Variants in RAB7A observed in about 807,000 individuals in gnomAD.
The protein encoded by RAB7A is RAB7A, member RAS oncogene family, also known as ras-related protein Rab-7a.
A neutral mutation model predicts 24.5 loss-of-function variants in RAB7A; 2 were observed. The ratio of observed to expected loss-of-function variants is 0.08; its 90% CI spans 0.03 to 0.26. The LOEUF (loss-of-function observed/expected upper bound fraction) is 0.26. RAB7A is among the 10% of genes least tolerant of loss of function. RAB7A has a pLI of 1.00. For synonymous variants in RAB7A, 100 were observed against 95.9 expected, an observed-to-expected ratio of 1.04 and a Z score of -0.25; for missense variants, 118 against 255.7, an observed-to-expected ratio of 0.46 and a Z score of 3.67.
chr3:128,803,827 A>G (rs777351454), intron 3 of RAB7A, among the ~76,000 whole-genome samples: 2 of 152,228 alleles, frequency 1.3e-5, no homozygotes, highest in Non-Finnish European at 2.9e-5. Flanking sequence ...AAATGCAATG[A>G]GGGAAGGGTT....
At chr3:128,797,845 T>TTCAGG in intron 2 of RAB7A, 98 bp from the exon 3 acceptor site, 3 of 1,446,350 alleles carry the variant, frequency 2.1e-6, no homozygotes, top group Non-Finnish European at 2.9e-6. Context: ...TTTCTTGTCC[T>TTCAGG]TCAGGTCAGG....
intron 1 of RAB7A, among the ~76,000 whole-genome samples, chr3:128,730,200 A>G (rs2070420742): frequency 6.6e-6 from 1 of 150,398 alleles, no homozygotes; most frequent in Non-Finnish European, 1.5e-5. Flanking sequence ...TCCATATGGC[A>G]TTAAAGACAG....
At chr3:128,728,144 C>T (rs2070398963) in intron 1 of RAB7A, among the ~76,000 whole-genome samples, 1 of 152,120 alleles carries the variant, frequency 6.6e-6, no homozygotes, top group South Asian at 2.1e-4. Flanking sequence ...GGGAGATAGG[C>T]GTGGTTCCTG....
intron 1 of RAB7A, among the ~76,000 whole-genome samples, chr3:128,745,350 GT>G: frequency 6.6e-6 from 1 of 151,978 alleles, no homozygotes; most frequent in Middle Eastern, 3.4e-3. Context: ...AGAAACAGTA[GT>G]TTATTAAGAA....
chr3:128,779,211 T>G (rs1933160289), intron 1 of RAB7A, among the ~76,000 whole-genome samples: 1 of 152,022 alleles, frequency 6.6e-6, no homozygotes, highest in Admixed American at 6.6e-5. Context: ...GTCGGGAGTT[T>G]GAGACCAGCC....
intron 1 of RAB7A, chr3:128,749,584 C>T (rs1357227080): frequency 2.6e-5 from 4 of 152,148 alleles, no homozygotes; most frequent in African/African-American, 9.7e-5. Flanking sequence ...TCTTGAATTC[C>T]TATTTGTTGT....
At chr3:128,801,062 G>T (rs1050025672) in intron 3 of RAB7A, among the ~76,000 whole-genome samples, 1 of 152,182 alleles carries the variant, frequency 6.6e-6, no homozygotes, top group African/African-American at 2.4e-5. Context: ...CCACAAGAAA[G>T]AACCAGTGGA....
intron 5 of RAB7A, among the ~76,000 whole-genome samples, chr3:128,811,362 A>G (rs180774875): frequency 6.6e-6 from 1 of 152,332 alleles, no homozygotes; most frequent in East Asian, 1.9e-4. Context: ...AAATGTCACT[A>G]TTTGTAATAG....
In RAB7A at chr3:128,807,662, A is replaced by T; in HGVS notation, c.519A>T (p.Ala173=). ...EQAFQTIARN[A]LKQETEVELY... is the part of the protein sequence containing the mutation. Reference sequence around the variant, plus strand: ...CGTTCCAGACGATTGCACGGAATGCACTTAAGCAGGTGGGTCTCCCACAGC... The same window carrying T: ...CGTTCCAGACGATTGCACGGAATGCTCTTAAGCAGGTGGGTCTCCCACAGC... The change falls in exon 5 of 6, where the codon GCA becomes GCT. Residue 173 remains alanine (A), a synonymous_variant. Transcript: ENST00000265062. 1 of 1,614,198 alleles carries T rather than the reference A, an allele frequency of 6.2e-7. No individual in the cohort carries two copies.
intron 1 of RAB7A, among the ~76,000 whole-genome samples, chr3:128,778,455 C>T (rs1243355960): frequency 1.3e-5 from 2 of 152,128 alleles, no homozygotes; most frequent in African/African-American, 4.8e-5. Context: ...TAATTATCAC[C>T]TCTGTTAGGA....
intron 2 of RAB7A, among the ~76,000 whole-genome samples, chr3:128,796,634 A>T (rs907814894): frequency 1.3e-5 from 2 of 152,120 alleles, no homozygotes; most frequent in African/African-American, 4.8e-5. Context: ...TTCTGTCTTG[A>T]CTGGCTTATT....
chr3:128,809,746 G>A (rs530932378), intron 5 of RAB7A, among the ~76,000 whole-genome samples: 4 of 152,014 alleles, frequency 2.6e-5, no homozygotes, highest in Admixed American at 2.0e-4. Flanking sequence ...CCAGTTGTTT[G>A]AAATCATTCA....
intron 4 of RAB7A, 41 bp from the exon 5 acceptor site, chr3:128,807,502 C>T: frequency 6.2e-7 from 1 of 1,612,936 alleles, no homozygotes; most frequent in Non-Finnish European, 8.5e-7. Context: ...GTGCTGGCTG[C>T]TTCTGTCATG....
rs533637425 is a variant in RAB7A at position 128,746,399 on chromosome 3, A to G, written c.-9+20040A>G. Among the ~76,000 whole-genome samples the G allele has an allele frequency of 8.5e-5, 13 of 152,216 alleles. No homozygotes were observed. The South Asian group carries it at 2.1e-3, about 24-fold the overall frequency. On this transcript the variant is annotated intron_variant, in intron 1 of 5. Coordinates refer to ENST00000265062, the MANE Select transcript of RAB7A (RefSeq NM_004637.6). ...GTGATCCTTCTGCCTCAGCCTCTCA[A>G]TGAGCTGGGACAATAGGCCTACACT...
At chr3:128,801,231 G>A (rs1933692281) in intron 3 of RAB7A, among the ~76,000 whole-genome samples, 1 of 152,214 alleles carries the variant, frequency 6.6e-6, no homozygotes, top group African/African-American at 2.4e-5. Flanking sequence ...CATGCTGGAT[G>A]CGGTGGCTCA....
At chr3:128,766,277 G>C (rs1559787095) in intron 1 of RAB7A, among the ~76,000 whole-genome samples, 1 of 152,168 alleles carries the variant, frequency 6.6e-6, no homozygotes, top group Admixed American at 6.5e-5. Flanking sequence ...CATCTCTCCA[G>C]AGGACAGAAT....
At chr3:128,785,704 G>A (rs1019127589) in intron 1 of RAB7A, among the ~76,000 whole-genome samples, 7 of 146,966 alleles carry the variant, frequency 4.8e-5, no homozygotes, top group Non-Finnish European at 7.4e-5. Flanking sequence ...AACAGAGATC[G>A]CGCCACTGTA....
intron 1 of RAB7A, among the ~76,000 whole-genome samples, chr3:128,776,681 C>T (rs972834110): frequency 1.9e-4 from 29 of 151,814 alleles, no homozygotes; most frequent in Non-Finnish European, 3.1e-4. Flanking sequence ...CATGTGAGTG[C>T]AGATCTCTTC....
intron 3 of RAB7A, among the ~76,000 whole-genome samples, chr3:128,802,232 G>A (rs887846548): frequency 6.6e-5 from 10 of 152,158 alleles, no homozygotes; most frequent in African/African-American, 2.4e-4. Flanking sequence ...TAATGTGTAG[G>A]GAAAGATTAG....
Sources: gnomAD v4.1 joint callset for allele counts (sites outside exome capture counted in the v4.1 genomes callset) on GRCh38, gnomAD v4.1.1 for gene constraint, MANE v1.5 for transcripts, NCBI Gene and HGNC (gene_info 2026-07-23, HGNC 2026-07-21) for gene names.